The following CEP162 variants were observed in gnomAD, a reference collection of about 807,000 sequenced individuals.
CEP162 encodes the protein centrosomal protein of 162 kDa.
A neutral mutation model predicts 169.2 loss-of-function variants in CEP162; 141 were observed. That is an observed-to-expected ratio of 0.83 (90% confidence interval 0.73 to 0.96). The LOEUF (loss-of-function observed/expected upper bound fraction) is 0.96, where lower values mean the gene tolerates loss of function less well. Ranked by LOEUF, CEP162 falls within the 40% of genes least tolerant of loss-of-function variation. The pLI, the probability that CEP162 is intolerant of heterozygous loss-of-function variation, is 0.00. For missense variants in CEP162, 1,600 were observed against 1,587.2 expected, an observed-to-expected ratio of 1.01 and a Z score of -0.14; for synonymous variants, 540 against 526.4, an observed-to-expected ratio of 1.03 and a Z score of -0.35.
At chr6:84,157,927 T>G (rs2099523886) in intron 21 of CEP162, among the ~76,000 whole-genome samples, 1 of 152,202 alleles carries the variant, frequency 6.6e-6, no homozygotes, top group African/African-American at 2.4e-5. Flanking sequence ...TTAAAATGAT[T>G]TCTTTTAATT....
chr6:84,192,638 A>C (rs528913300), intron 11 of CEP162, among the ~76,000 whole-genome samples: 27 of 152,374 alleles, frequency 1.8e-4, no homozygotes, highest in African/African-American at 6.0e-4. Flanking sequence ...AAGGAGGCTG[A>C]AAACATGTCT....
At position 84,198,763 on chromosome 6, in the gene CEP162, A is replaced by G. The variant is rs79300466; in HGVS notation, c.835+2026T>C. Among the ~76,000 whole-genome samples the G allele has an allele frequency of 3.7e-3, 567 of 152,310 alleles. 1 individual carries two copies. Among genetic ancestry groups the G allele is most frequent in the African/African-American group, 0.013 (535 of 41,572 alleles). On this transcript the variant is annotated intron_variant, in intron 9 of 26. Coordinates refer to ENST00000403245, the MANE Select transcript of CEP162 (RefSeq NM_014895.4). ...GTTTAGTGAATCTTAAAAATGTGCT[A>G]TGTACTATATATTATCTCAGTTGAC...
At chr6:84,188,742 A>G (rs1562060757) in intron 11 of CEP162, among the ~76,000 whole-genome samples, 1 of 152,172 alleles carries the variant, frequency 6.6e-6, no homozygotes. Context: ...TCCTTTTGGT[A>G]TATATCCAAT....
chr6:84,221,530 A>T (rs530690070), intron 2 of CEP162, among the ~76,000 whole-genome samples: 8 of 152,348 alleles, frequency 5.3e-5, no homozygotes, highest in South Asian at 4.1e-4. Flanking sequence ...AAAATTGCAT[A>T]GCACCACTCT....
chr6:84,214,904 C>G (rs2099550932), intron 5 of CEP162, among the ~76,000 whole-genome samples: 1 of 152,170 alleles, frequency 6.6e-6, no homozygotes, highest in Admixed American at 6.5e-5. Flanking sequence ...TCAAACTTGT[C>G]TTTGCTCCTT....
chr6:84,172,618 A>G (rs2099530613), intron 16 of CEP162, among the ~76,000 whole-genome samples: 1 of 152,154 alleles, frequency 6.6e-6, no homozygotes, highest in Non-Finnish European at 1.5e-5. Flanking sequence ...AATTTTCTTA[A>G]AAACCTCTGT....
At chr6:84,183,386 C>T (rs1042495417) in intron 13 of CEP162, among the ~76,000 whole-genome samples, 8 of 152,088 alleles carry the variant, frequency 5.3e-5, no homozygotes. Flanking sequence ...GTTCCTTGAA[C>T]TCCTTTCCAT....
In CEP162 at chr6:84,185,994, A is replaced by G. The variant is rs554613946; in HGVS notation, c.1401+338T>C. Among the ~76,000 whole-genome samples, 486 of 152,264 alleles carry G rather than the reference A, an allele frequency of 3.2e-3. 3 individuals are homozygous for G. Among genetic ancestry groups the G allele is most frequent in the Non-Finnish European group, 5.4e-3 (365 of 67,960 alleles). On this transcript the variant is annotated intron_variant, in intron 12 of 26. Coordinates refer to ENST00000403245, the MANE Select transcript of CEP162 (RefSeq NM_014895.4). ...TTTCCTATAAAACGCCAACTTAAAAAATACAAATGACTGGAAAGACTGAAC... is the reference window on the plus strand; with the variant it reads ...TTTCCTATAAAACGCCAACTTAAAAGATACAAATGACTGGAAAGACTGAAC...
At chr6:84,185,562 A>T in intron 12 of CEP162, 114 bp from the exon 13 acceptor site, 1 of 885,236 alleles carries the variant, frequency 1.1e-6, no homozygotes. Context: ...GTAGTTTGTA[A>T]AAGGCAAACT....
At chr6:84,180,513 A>G (rs868040037) in intron 13 of CEP162, among the ~76,000 whole-genome samples, 3,757 of 137,772 alleles carry the variant, frequency 0.027, 71 homozygotes, top group South Asian at 0.038. Context: ...GGCAGGAGAA[A>G]GAAATAAAGG....
At position 84,153,147 on chromosome 6, in the gene CEP162, C is replaced by A. The variant is rs772299329; in HGVS notation, c.3027G>T (p.Glu1009Asp). 1 of 1,608,172 alleles carries A rather than the reference C, an allele frequency of 6.2e-7. No individual in the cohort carries two copies. Among genetic ancestry groups the A allele is most frequent in the Non-Finnish European group, 8.5e-7 (1 of 1,178,192 alleles). ...IQYEQRLEQQ[E>D]QLLACKLNQH... ...GATTCAATTTGCAGGCAAGTAGCTG[C>A]TCCTGCTGCTCTAGTCTTTGTTCAT... The change falls in exon 23 of 27, where the codon GAG becomes GAT. Residue 1009 changes from glutamate (E) to aspartate (D), a missense_variant. Glu to Asp is a conservative substitution (Grantham distance 45). Transcript: ENST00000403245.
In CEP162 at chr6:84,153,000, T is replaced by C. The variant is rs746714104; in HGVS notation, c.3174A>G (p.Glu1058=). The change falls in exon 23 of 27, where the codon GAA becomes GAG. Residue 1058 remains glutamate, a synonymous_variant. Coordinates refer to ENST00000403245, the MANE Select transcript of CEP162 (RefSeq NM_014895.4). ...EIDVLKHQNA[E]LDVKKNDKDD... is the part of the protein sequence containing the mutation. ...CTTTATCATTTTTCTTGACGTCTAA[T>C]TCAGCATTCTGATGTTTAAGAACGT... 7.4e-6 allele frequency: 12 copies of C among 1,613,626 alleles called. No homozygotes were observed. In the South Asian group the frequency reaches 1.1e-4, roughly 15 times the overall value.
intron 21 of CEP162, among the ~76,000 whole-genome samples, chr6:84,157,815 G>A (rs1222751800): frequency 6.6e-6 from 1 of 152,136 alleles, no homozygotes; most frequent in Non-Finnish European, 1.5e-5. Flanking sequence ...GCACATGAGT[G>A]TGTAAACTTT....
intron 10 of CEP162, 79 bp downstream of exon 10, chr6:84,194,804 AT>A (rs2099541440): frequency 8.9e-7 from 1 of 1,118,572 alleles, no homozygotes; most frequent in African/African-American, 1.6e-5. Context: ...ACTACAGCAA[AT>A]TGTATTTTAA....
At chr6:84,207,450 A>G (rs1165671629) in intron 6 of CEP162, among the ~76,000 whole-genome samples, 1 of 151,876 alleles carries the variant, frequency 6.6e-6, no homozygotes, top group East Asian at 1.9e-4. Context: ...CATCATTCTG[A>G]GCAAACTGTC....
At chr6:84,149,226 G>C (rs1403277676) in intron 24 of CEP162, among the ~76,000 whole-genome samples, 3 of 152,080 alleles carry the variant, frequency 2.0e-5, no homozygotes, top group Non-Finnish European at 4.4e-5. Context: ...CCAAGTTCAA[G>C]TACTAGGGTC....
In CEP162 at chr6:84,213,467, A is replaced by G. The variant is rs1318611797; in HGVS notation, c.504-443T>C. Reference sequence around the variant, plus strand: ...AATTTAATCCTGAAACAGAAGCTGAATAGGAGCCTTAAAACAAAACCTAAG... The same window carrying G: ...AATTTAATCCTGAAACAGAAGCTGAGTAGGAGCCTTAAAACAAAACCTAAG... On this transcript the variant is annotated intron_variant, in intron 5 of 26. Coordinates refer to ENST00000403245, the MANE Select transcript of CEP162 (RefSeq NM_014895.4). Among the ~76,000 whole-genome samples the G allele has an allele frequency of 2.0e-5, 3 of 152,226 alleles. No homozygotes were observed. The East Asian group carries it at 5.8e-4, about 29-fold the overall frequency.
chr6:84,169,472 T>C (rs2099529123), intron 17 of CEP162, 39 bp from the exon 18 acceptor site: 3 of 1,190,160 alleles, frequency 2.5e-6, no homozygotes, highest in South Asian at 1.5e-5. Flanking sequence ...TTTTCTTTCT[T>C]ACCAGGTGCT....
intron 6 of CEP162, 66 bp from the exon 7 acceptor site, chr6:84,204,162 G>C (rs1317409781): frequency 2.1e-6 from 2 of 940,480 alleles, no homozygotes; most frequent in African/African-American, 1.7e-5. Flanking sequence ...CCAGGAAAAG[G>C]CTGTTGATTT....
Sources: allele counts gnomAD v4.1 joint callset (sites outside exome capture counted in the v4.1 genomes callset), GRCh38; gene constraint gnomAD v4.1.1; transcripts MANE v1.5; gene names NCBI Gene and HGNC (gene_info 2026-07-23, HGNC 2026-07-21).